The following ARAP1 variants were observed in gnomAD, a reference collection of about 807,000 sequenced individuals.
ARAP1 encodes arf-GAP with Rho-GAP domain, ANK repeat and PH domain-containing protein 1.
In ARAP1, 76 loss-of-function variants were observed where a neutral mutation model predicts 172.2. The observed-to-expected ratio is 0.44, with a 90% CI of 0.37 to 0.53. ARAP1 has a LOEUF of 0.53. Ranked by LOEUF, ARAP1 falls within the 20% of genes least tolerant of loss-of-function variation. ARAP1 has a pLI of 0.00. For synonymous variants in ARAP1, 804 were observed against 803.3 expected, an observed-to-expected ratio of 1.00 and a Z score of -0.01; for missense variants, 1,686 against 1,977.5, an observed-to-expected ratio of 0.85 and a Z score of 2.80.
chr11:72,704,450 C>A (rs940760602), intron 13 of ARAP1, 116 bp from the exon 14 acceptor site: 1 of 1,190,880 alleles, frequency 8.4e-7, no homozygotes, highest in African/African-American at 1.5e-5. Flanking sequence ...GCCATCTGCC[C>A]ACTTTCCCAA....
In ARAP1 at chr11:72,712,643, C is replaced by G. The variant is rs753450186; in HGVS notation, c.748-75G>C. ...ACACCCACCCGGGGCTGCCACGCCC[C>G]CTCTGTCCACACAGCCCCGACCCAC... is the stretch of plus-strand genomic sequence containing the variant. On this transcript the variant is annotated intron_variant, in intron 5 of 34. Transcript: ENST00000393609. The G allele has an allele frequency of 3.4e-5, 54 of 1,602,158 alleles. No individual in the cohort carries two copies. The East Asian group carries it at 1.0e-3, about 30-fold the overall frequency.
Position 72,697,122 on chromosome 11 carries a change from C to A in ARAP1, c.3027G>T (p.Arg1009=). 1 of 1,606,948 alleles carries A rather than the reference C, an allele frequency of 6.2e-7. No individual in the cohort carries two copies. The highest frequency in any genetic ancestry group is 8.5e-7 in the Non-Finnish European group (1 of 1,179,880). Residue 1009 remains arginine (R), a synonymous_variant, in exon 22 of 35, where the codon CGG becomes CGT. Transcript: ENST00000393609. ...TGAGGTGCACAGAGCGCGCATCCTG[C>A]CGCAGGCTCTCCAGCAGCCGCTGTG... ...SKTQRLLESL[R]QDARSVHLKE...
In ARAP1 at chr11:72,699,061, G is replaced by A. The variant is rs750631603; in HGVS notation, c.2485C>T (p.Leu829=). 33 of 1,614,008 alleles carry A rather than the reference G, an allele frequency of 2.0e-5. No homozygotes were observed. The highest frequency in any genetic ancestry group is 2.7e-5 in the Non-Finnish European group (32 of 1,180,040). ...EVYTEGERLY[L]FGLESAEQAH... is the part of the protein sequence containing the mutation. ...TGCTCCGCACTCTCCAGCCCAAACAGGTACAGCCGTTCTCCCTCCGTGTAC... is the reference window on the plus strand; with the variant it reads ...TGCTCCGCACTCTCCAGCCCAAACAAGTACAGCCGTTCTCCCTCCGTGTAC... The change falls in exon 18 of 35, where the codon CTG becomes TTG. Residue 829 remains leucine, a synonymous_variant. Transcript: ENST00000393609. The surrounding 1 kb of genome is among the most constrained non-coding windows in gnomAD (Gnocchi z 4.2).
chr11:72,685,461 G>T lies in ARAP1; in HGVS notation c.*203C>A. On this transcript the variant is annotated 3_prime_UTR_variant, in exon 35 of 35. Transcript: ENST00000393609. ...TCTGAACACCTGGACAGAGTTGGGA[G>T]AGGTTCCTGCCCAGGCTGACCCCTG... The T allele has an allele frequency of 1.5e-6, 1 of 662,660 alleles. No individual in the cohort carries two copies. Among genetic ancestry groups the T allele is most frequent in the East Asian group, 2.7e-5 (1 of 36,662 alleles). The allele number at this position is 662,660 out of a possible 1,614,324, so 41.0% of individuals were successfully genotyped here. A position where few individuals can be genotyped will look rare whatever the true frequency, so the allele number is the denominator to read the frequency against.
rs879146514 is a variant in ARAP1, at chr11:72,711,585, A to G, written c.1023-86T>C. The G allele has an allele frequency of 6.9e-6, 8 of 1,162,992 alleles. 1 individual carries two copies. In the South Asian group the frequency reaches 1.0e-4, roughly 15 times the overall value. The allele number at this position is 1,162,992 out of a possible 1,614,324, so 72.0% of individuals were successfully genotyped here. On this transcript the variant is annotated intron_variant, in intron 7 of 34. Coordinates refer to ENST00000393609, the MANE Select transcript of ARAP1 (RefSeq NM_001040118.3). The stretch of plus-strand genomic sequence containing the variant: ...ACCCCAGCCCTCAGAAGCCACACTC[A>G]GAGTGAGGATCAGCCAGGTTCTAGG...
In ARAP1 at chr11:72,696,621, T is replaced by C. The variant is rs1305903482; in HGVS notation, c.3200A>G (p.Tyr1067Cys). 6.2e-7 allele frequency: 1 copy of C among 1,605,928 alleles called. No individual in the cohort carries two copies. Among genetic ancestry groups the C allele is most frequent in the Non-Finnish European group, 8.5e-7 (1 of 1,174,942 alleles). The change falls in exon 23 of 35, where the codon TAC becomes TGC. Residue 1067 changes from tyrosine to cysteine, a missense_variant. Around this residue, in one of 5 missense-constraint regions of ARAP1, gnomAD observed 274 missense variants for 262.7 expected, o/e 1.04. Transcript: ENST00000393609. ...GGGCAGCCGCACCAGCAGCTCTCGG[T>C]ACCTGGAGACCTTCTCCTCCTCGTC... ...IEDEEEKVSR[Y>C]RELLVRLPPV...
At chr11:72,751,099 C>A (rs891222797) in intron 1 of ARAP1, among the ~76,000 whole-genome samples, 2 of 152,068 alleles carry the variant, frequency 1.3e-5, no homozygotes, top group Non-Finnish European at 2.9e-5. Context: ...TGGCCTCTGC[C>A]CCCTCCACCT....
At chr11:72,702,369 G>A (rs1250075561) in intron 15 of ARAP1, among the ~76,000 whole-genome samples, 1 of 151,950 alleles carries the variant, frequency 6.6e-6, no homozygotes, top group Non-Finnish European at 1.5e-5. Context: ...TGTGGCCCCA[G>A]AGTCCAGGCC....
At chr11:72,705,985 G>A (rs560759191) in intron 12 of ARAP1, 95 bp from the exon 13 acceptor site, 19 of 1,292,826 alleles carry the variant, frequency 1.5e-5, no homozygotes, top group Middle Eastern at 2.1e-4. Context: ...GCAGGGATGA[G>A]AGGCCACAGG....
chr11:72,712,084 G>A (rs1857039007), intron 7 of ARAP1, 112 bp downstream of exon 7: 8 of 1,388,166 alleles, frequency 5.8e-6, no homozygotes, highest in South Asian at 3.0e-5. Context: ...GCAAATCATC[G>A]CAGGCCCTTC....
At chr11:72,719,734 A>G (rs1175126256) in intron 3 of ARAP1, among the ~76,000 whole-genome samples, 1 of 152,202 alleles carries the variant, frequency 6.6e-6, no homozygotes, top group Non-Finnish European at 1.5e-5. Context: ...GGAAGGCCAC[A>G]GAGTGGAGCA....
At chr11:72,731,149 TG>T (rs1857854773) in intron 2 of ARAP1, among the ~76,000 whole-genome samples, 1 of 152,186 alleles carries the variant, frequency 6.6e-6, no homozygotes, top group African/African-American at 2.4e-5. Flanking sequence ...AACTAAGGCC[TG>T]AAGGGACAGG....
At position 72,707,186 on chromosome 11, in the gene ARAP1, T is replaced by G; in HGVS notation, c.1712A>C (p.Lys571Thr). ...ASINLCVVIC[K>T]RCAGEHRGLG... is the part of the protein sequence containing the mutation. ...CCCCATGCACACACCTGCACAGCGC[T>G]TGCAGATAACAACACAGAGGTTGAT... Residue 571 changes from lysine (K) to threonine (T), a missense_variant, in exon 12 of 35, where the codon AAG becomes ACG. Transcript: ENST00000393609. 6.3e-7 allele frequency: 1 copy of G among 1,592,878 alleles called. No homozygotes were observed. The highest frequency in any genetic ancestry group is 1.3e-5 in the African/African-American group (1 of 74,614).
chr11:72,749,085 G>A (rs1858458049), intron 1 of ARAP1, among the ~76,000 whole-genome samples: 1 of 152,194 alleles, frequency 6.6e-6, no homozygotes. Context: ...AGAGCTGCCC[G>A]AGGGACTGGA....
rs372507219 is a variant in ARAP1 at position 72,697,974 on chromosome 11, G to C, written c.2674C>G (p.Arg892Gly). ...GWFSLSGSEL[R>G]AVFPEGPCEE... ...CAGGGCCCCTCCGGGAAGACAGCAC[G>C]GAGCTCCGAGCCACTGAGAGAGAAC... The change falls in exon 19 of 35, where the codon CGT becomes GGT. Residue 892 changes from arginine to glycine, a missense_variant. Arg to Gly is a moderately radical substitution (Grantham distance 125, BLOSUM62 -2). Transcript: ENST00000393609. 3 of 1,611,614 alleles carry C rather than the reference G, an allele frequency of 1.9e-6. No individual in the cohort carries two copies. In the African/African-American group the frequency reaches 4.0e-5, roughly 22 times the overall value.
At chr11:72,731,020 G>C (rs1000130887) in intron 2 of ARAP1, among the ~76,000 whole-genome samples, 3 of 152,152 alleles carry the variant, frequency 2.0e-5, no homozygotes, top group Admixed American at 6.5e-5. Context: ...TTCTCTCTCT[G>C]TGAAAAAAAC....
intron 11 of ARAP1, 82 bp from the exon 12 acceptor site, chr11:72,707,456 G>A (rs976252571): frequency 2.2e-6 from 3 of 1,336,180 alleles, no homozygotes; most frequent in African/African-American, 1.4e-5. Context: ...AGAATGAAGT[G>A]GGGGACAAGG....
Position 72,698,120 on chromosome 11 carries a change from G to A in ARAP1, c.2542-14C>T, listed in dbSNP as rs766269260. The A allele has an allele frequency of 7.0e-6, 11 of 1,573,734 alleles. No homozygotes were observed. Among genetic ancestry groups the A allele is most frequent in the African/African-American group, 2.7e-5 (2 of 74,276 alleles). On this transcript the variant is annotated splice_polypyrimidine_tract_variant and intron_variant, in intron 18 of 34. Coordinates refer to ENST00000393609, the MANE Select transcript of ARAP1 (RefSeq NM_001040118.3). ...AGGCACGAATGCCTGGCAGAGAGGCGCCGGGGGAGACAGCATCAGCCAACG... is the reference window on the plus strand; with the variant it reads ...AGGCACGAATGCCTGGCAGAGAGGCACCGGGGGAGACAGCATCAGCCAACG...
chr11:72,687,717 A>G lies in ARAP1; in HGVS notation c.4092T>C (p.His1364=), dbSNP rs146840475. The part of the protein sequence containing the change: ...PPTCWGFTVV[H]ETEKHEKQQW... ...GCTGCTTCTCATGTTTCTCTGTCTCATGCACCACTGTGAAGCCCCAGCTAC... is the reference window on the plus strand; with the variant it reads ...GCTGCTTCTCATGTTTCTCTGTCTCGTGCACCACTGTGAAGCCCCAGCTAC... The change falls in exon 32 of 35, where the codon CAT becomes CAC. Residue 1364 remains histidine, a synonymous_variant. Transcript: ENST00000393609. 3.1e-6 allele frequency: 5 copies of G among 1,613,998 alleles called. No homozygotes were observed. The African/African-American group carries it at 6.7e-5, about 22-fold the overall frequency.
Sources: gnomAD v4.1 joint callset for allele counts (sites outside exome capture counted in the v4.1 genomes callset) on GRCh38, gnomAD v4.1.1 for gene constraint, gnomAD v4.1.1 regional missense constraint, Gnocchi (gnomAD v3.1) non-coding constraint, MANE v1.5 for transcripts, NCBI Gene and HGNC (gene_info 2026-07-23, HGNC 2026-07-21) for gene names.